Variants in COPG1 observed in about 807,000 individuals in gnomAD.
COPG1 encodes the protein coatomer subunit gamma-1.
COPG1 carries 29 observed loss-of-function variants against 102.8 expected under a neutral mutation model. That is an observed-to-expected ratio of 0.28 (90% CI 0.21 to 0.38). COPG1 has a LOEUF of 0.38. Among genes scored for constraint, COPG1 ranks in the 10% least tolerant of loss-of-function variants. The probability of loss-of-function intolerance (pLI) is 1.00; values close to 1 mark genes in which losing one functional copy is unlikely to be tolerated. For synonymous variants in COPG1, 406 were observed against 421.6 expected (o/e 0.96, Z 0.45); for missense variants, 875 against 1,132.7 (o/e 0.77, Z 3.27).
In COPG1 at chr3:129,265,538, T is replaced by G; in HGVS notation, c.1225-11T>G. On this transcript the variant is annotated splice_polypyrimidine_tract_variant and intron_variant, in intron 13 of 23. Coordinates refer to ENST00000314797, the MANE Select transcript of COPG1 (RefSeq NM_016128.4). ...AGCAGGCTCCTTGCTTAGCTCAGCT[T>G]CTCTCTGCAGGGTGGCTTTGAGTAT... 1.2e-6 allele frequency: 2 copies of G among 1,613,656 alleles called. No homozygotes were observed. Among genetic ancestry groups the G allele is most frequent in the Middle Eastern group, 1.6e-4 (1 of 6,062 alleles).
chr3:129,249,935 G>T (rs1939657172), intron 1 of COPG1, among the ~76,000 whole-genome samples, 189 bp downstream of exon 1: 2 of 151,668 alleles, frequency 1.3e-5, no homozygotes, highest in Non-Finnish European at 2.9e-5. Context: ...TTGTAAGCTC[G>T]GACTGCAATT....
intron 13 of COPG1, among the ~76,000 whole-genome samples, chr3:129,264,432 A>G (rs1204661594): frequency 6.6e-6 from 1 of 152,132 alleles, no homozygotes; most frequent in Non-Finnish European, 1.5e-5. Context: ...GTCTCAACAA[A>G]ATGGGTTAAT....
rs748154309 is a variant in COPG1, at chr3:129,275,017, C to A, written c.2395+41C>A. On this transcript the variant is annotated intron_variant, in intron 22 of 23. Coordinates refer to ENST00000314797, the MANE Select transcript of COPG1 (RefSeq NM_016128.4). The surrounding 1 kb of genome is among the most constrained non-coding windows in gnomAD (Gnocchi z 5.0). ...TGCCATCTCTGGCCTAATTACTGTT[C>A]AAGATCTTTGGCTACTATTGAAGTG... is the stretch of plus-strand genomic sequence containing the variant. 6.2e-7 allele frequency: 1 copy of A among 1,607,920 alleles called. No homozygotes were observed. The highest frequency in any genetic ancestry group is 1.1e-5 in the South Asian group (1 of 90,714).
chr3:129,266,764 C>T (rs997767719), intron 14 of COPG1, among the ~76,000 whole-genome samples: 1 of 152,146 alleles, frequency 6.6e-6, no homozygotes, highest in African/African-American at 2.4e-5. Flanking sequence ...TTGAAATTAG[C>T]TCCTGGAACC....
chr3:129,255,741 C>T (rs1939797458), intron 7 of COPG1, among the ~76,000 whole-genome samples: 1 of 152,100 alleles, frequency 6.6e-6, no homozygotes, highest in Admixed American at 6.6e-5. Context: ...CCTCGGCCTC[C>T]CAAAGTGCTG....
intron 2 of COPG1, among the ~76,000 whole-genome samples, chr3:129,251,825 T>G (rs999891092): frequency 5.0e-4 from 76 of 151,900 alleles, no homozygotes; most frequent in African/African-American, 1.7e-3. Context: ...GTAGCTGAGA[T>G]TACAGGTGCC....
At chr3:129,257,678 A>G in intron 9 of COPG1, 49 bp from the exon 10 acceptor site, 2 of 1,613,468 alleles carry the variant, frequency 1.2e-6, no homozygotes, top group South Asian at 2.2e-5. Flanking sequence ...TCATCCTACC[A>G]TGCTGGGCCA....
At position 129,254,662 on chromosome 3, in the gene COPG1, C is replaced by G; in HGVS notation, c.324-6C>G. ...CTGCATGCTGACAATGCCTTCTTCC[C>G]TGCAGCCTAACAAAAGACATGACTG... On this transcript the variant is annotated splice_region_variant and splice_polypyrimidine_tract_variant and intron_variant, in intron 5 of 23. Coordinates refer to ENST00000314797, the MANE Select transcript of COPG1 (RefSeq NM_016128.4). 6.2e-7 allele frequency: 1 copy of G among 1,613,542 alleles called. No homozygotes were observed. The highest frequency in any genetic ancestry group is 8.5e-7 in the Non-Finnish European group (1 of 1,179,526).
chr3:129,257,746 G>T lies in COPG1; in HGVS notation c.757G>T (p.Asp253Tyr). ...EDGSRDSPLFDFIESCLRNKH... is the reference protein window; with the variant it reads ...EDGSRDSPLFYFIESCLRNKH... Reference sequence around the variant, plus strand: ...TTGTAGCCGTGACAGCCCACTGTTTGACTTCATCGAGAGCTGCTTGCGCAA... The same window carrying T: ...TTGTAGCCGTGACAGCCCACTGTTTTACTTCATCGAGAGCTGCTTGCGCAA... Residue 253 changes from aspartate to tyrosine, a missense_variant, in exon 10 of 24, where the codon GAC (aspartate) becomes TAC (tyrosine). Asp to Tyr is a radical substitution (Grantham distance 160). Coordinates refer to ENST00000314797, the MANE Select transcript of COPG1 (RefSeq NM_016128.4). 6.2e-7 allele frequency: 1 copy of T among 1,614,102 alleles called. No homozygotes were observed. Among genetic ancestry groups the T allele is most frequent in the South Asian group, 1.1e-5 (1 of 91,068 alleles).
intron 12 of COPG1, among the ~76,000 whole-genome samples, chr3:129,262,591 T>A (rs1189063663): frequency 6.6e-6 from 1 of 151,950 alleles, no homozygotes; most frequent in East Asian, 1.9e-4. Flanking sequence ...TGTGTGGTGA[T>A]GCGCACCTGT....
rs567815477 is a variant in COPG1 at position 129,276,687 on chromosome 3, A to G, written c.2495-607A>G. 3.9e-5 allele frequency among the ~76,000 whole-genome samples: 6 copies of G among 152,292 alleles called. No individual in the cohort carries two copies. The East Asian group carries it at 9.7e-4, about 24-fold the overall frequency. On this transcript the variant is annotated intron_variant, in intron 23 of 23. Coordinates refer to ENST00000314797, the MANE Select transcript of COPG1 (RefSeq NM_016128.4). ...TGCTCTCAGATTCAGTCAACGTGCAAGAGCCTCTGTGACATGAGATATAAG... is the reference window on the plus strand; with the variant it reads ...TGCTCTCAGATTCAGTCAACGTGCAGGAGCCTCTGTGACATGAGATATAAG...
chr3:129,252,982 T>A (rs1046481383), intron 5 of COPG1, 27 bp downstream of exon 5: 2 of 1,593,242 alleles, frequency 1.3e-6, no homozygotes, highest in Non-Finnish European at 1.7e-6. Flanking sequence ...TGGGTGGCTC[T>A]TCTGATGGGT....
intron 21 of COPG1, 82 bp from the exon 22 acceptor site, chr3:129,274,756 A>C (rs954246450): frequency 6.7e-7 from 1 of 1,482,316 alleles, no homozygotes; most frequent in African/African-American, 1.4e-5. Context: ...AAAGAGTTGC[A>C]GGAAGGGATG....
chr3:129,277,662 A>G lies in COPG1; in HGVS notation c.*238A>G, dbSNP rs930596705. On this transcript the variant is annotated 3_prime_UTR_variant, in exon 24 of 24. Transcript: ENST00000314797. The stretch of plus-strand genomic sequence containing the variant: ...TAGCTTGTCCTAAATCTTGCTGTCC[A>G]CCCTTCCAGGAAAGGGACATTGTAA... 4.9e-6 allele frequency: 2 copies of G among 411,322 alleles called. No individual in the cohort carries two copies. Among genetic ancestry groups the G allele is most frequent in the African/African-American group, 4.4e-5 (2 of 45,228 alleles). The allele number at this position is 411,322 out of a possible 1,614,324, so 25.5% of individuals were successfully genotyped here.
intron 10 of COPG1, among the ~76,000 whole-genome samples, chr3:129,258,441 TGTTTGCC>T (rs1939860145): frequency 6.6e-6 from 1 of 152,220 alleles, no homozygotes; most frequent in African/African-American, 2.4e-5. Flanking sequence ...ACATGTTTGT[TGTTTGCC>T]GTTTGCTGTT....
At chr3:129,253,061 C>T in intron 5 of COPG1, 106 bp downstream of exon 5, 2 of 969,758 alleles carry the variant, frequency 2.1e-6, no homozygotes, top group Non-Finnish European at 3.2e-6. Context: ...TGCCAGCTGC[C>T]CACCCCGTGG....
intron 18 of COPG1, 89 bp downstream of exon 18, chr3:129,269,089 C>G (rs1277853413): frequency 1.7e-6 from 2 of 1,161,212 alleles, no homozygotes; most frequent in African/African-American, 3.0e-5. Context: ...ATTGGTCTCT[C>G]CTGAGTGCTA....
chr3:129,272,335 TGCCTGCCCGGA>T lies in COPG1; in HGVS notation c.2087_2097del (p.Arg696LeufsTer37). The T allele has an allele frequency of 6.2e-7, 1 of 1,614,124 alleles. No homozygotes were observed. The highest frequency in any genetic ancestry group is 8.5e-7 in the Non-Finnish European group (1 of 1,180,014). ...GAGGCCTATGAGGTGCTCTGTTACG[TGCCTGCCCGGA>T]GCCTGCCCTACAACCAGCCCGGGAC... On this transcript the variant is annotated frameshift_variant, in exon 20 of 24. Coordinates refer to ENST00000314797, the MANE Select transcript of COPG1 (RefSeq NM_016128.4). LOFTEE classifies it high-confidence loss of function.
At chr3:129,263,747 GCTT>G (rs1939993893) in intron 12 of COPG1, among the ~76,000 whole-genome samples, 154 bp from the exon 13 acceptor site, 1 of 123,336 alleles carries the variant, frequency 8.1e-6, no homozygotes, top group African/African-American at 5.7e-5. Context: ...TGCCCTTCAA[GCTT>G]CAAGCGTGGA....
Sources: gnomAD v4.1 joint callset for allele counts (sites outside exome capture counted in the v4.1 genomes callset) on GRCh38, gnomAD v4.1.1 for gene constraint, Gnocchi (gnomAD v3.1) non-coding constraint, MANE v1.5 for transcripts, NCBI Gene and HGNC (gene_info 2026-07-23, HGNC 2026-07-21) for gene names.